GLTP: variants seen among roughly 807,000 people sequenced by gnomAD.
The protein encoded by GLTP is glycolipid transfer protein.
Under a neutral mutation model 24.0 loss-of-function variants are expected in GLTP, and 22 were observed. The observed-to-expected ratio is 0.92, with a 90% CI of 0.65 to 1.31. The LOEUF is 1.31. Ranked by LOEUF, GLTP falls within the 50% of genes most tolerant of loss-of-function variation. The probability of loss-of-function intolerance (pLI) is 0.00; values close to 1 mark genes in which losing one functional copy is unlikely to be tolerated. For missense variants in GLTP, 224 were observed against 276.6 expected (o/e 0.81, Z 1.35); for synonymous variants, 92 against 115.9 (o/e 0.79, Z 1.33).
At chr12:109,876,007 T>G (rs1868868695) in intron 1 of GLTP, among the ~76,000 whole-genome samples, 1 of 152,200 alleles carries the variant, frequency 6.6e-6, no homozygotes, top group Admixed American at 6.5e-5. Context: ...AATGTGAATG[T>G]CCAACAGTAG....
At position 109,855,257 on chromosome 12, in the gene GLTP, G is replaced by A. The variant is rs558062827; in HGVS notation, c.447+362C>T. Among the ~76,000 whole-genome samples, 3 of 152,308 alleles carry A rather than the reference G, an allele frequency of 2.0e-5. No individual in the cohort carries two copies. The highest frequency in any genetic ancestry group is 6.5e-5 in the Admixed American group (1 of 15,306). ...GAATGGGAGCTGAATTTGAGGGGTC[G>A]AATTGGAGGGGTAAATTTGAGGGGC... is the stretch of plus-strand genomic sequence containing the variant. On this transcript the variant is annotated intron_variant, in intron 4 of 4. Transcript: ENST00000318348. The surrounding 1 kb of genome is among the most constrained non-coding windows in gnomAD (Gnocchi z 4.1).
chr12:109,868,608 C>T (rs900934879), intron 1 of GLTP, among the ~76,000 whole-genome samples: 15 of 152,232 alleles, frequency 9.9e-5, no homozygotes, highest in African/African-American at 3.6e-4. Flanking sequence ...GGACAGAACA[C>T]ACCTAACCCA....
At position 109,857,919 on chromosome 12, in the gene GLTP, T is replaced by C; in HGVS notation, c.163-260A>G. ...TATCCCATTTTACAGGCAGAGACACTGAGGCTCACAGAGGAGCACGGACTT... is the reference window on the plus strand; with the variant it reads ...TATCCCATTTTACAGGCAGAGACACCGAGGCTCACAGAGGAGCACGGACTT... On this transcript the variant is annotated intron_variant, in intron 2 of 4. Transcript: ENST00000318348. This position sits in a 1 kb window ranked among gnomAD's most constrained non-coding sequence, Gnocchi z 4.3. 3.9e-6 allele frequency: 2 copies of C among 508,964 alleles called. No homozygotes were observed. Among genetic ancestry groups the C allele is most frequent in the Non-Finnish European group, 3.6e-6 (1 of 278,728 alleles). The allele number at this position is 508,964 out of a possible 1,614,324, so 31.5% of individuals were successfully genotyped here. A position where few individuals can be genotyped will look rare whatever the true frequency, so the allele number is the denominator to read the frequency against.
rs1443227370 is a variant in GLTP at position 109,852,531 on chromosome 12, G to C, written c.*24C>G. 3 of 1,509,870 alleles carry C rather than the reference G, an allele frequency of 2.0e-6. No homozygotes were observed. Among genetic ancestry groups the C allele is most frequent in the Non-Finnish European group, 2.7e-6 (3 of 1,091,990 alleles). The allele number at this position is 1,509,870 out of a possible 1,614,324, so 93.5% of individuals were successfully genotyped here. A position where few individuals can be genotyped will look rare whatever the true frequency, so the allele number is the denominator to read the frequency against. On this transcript the variant is annotated 3_prime_UTR_variant, in exon 5 of 5. Transcript: ENST00000318348. ...GTTTCTCCATGTGGCCACGAGTCGG[G>C]GACGTGTCCAGCAGTGGGCATGCCT...
chr12:109,856,140 A>G (rs1413723638), intron 3 of GLTP, among the ~76,000 whole-genome samples: 1 of 152,052 alleles, frequency 6.6e-6, no homozygotes, highest in Non-Finnish European at 1.5e-5. Flanking sequence ...CTGGCCCTCG[A>G]AGGGTTCGCG....
intron 1 of GLTP, among the ~76,000 whole-genome samples, chr12:109,875,885 TC>T (rs1163533497): frequency 1.3e-5 from 2 of 152,220 alleles, no homozygotes; most frequent in East Asian, 3.8e-4. Flanking sequence ...AAAGCACTCT[TC>T]AACTCAGCAG....
intron 2 of GLTP, chr12:109,858,135 C>T (rs1023177738): frequency 6.6e-5 from 30 of 457,886 alleles, no homozygotes; most frequent in South Asian, 9.3e-5. Flanking sequence ...AGCTTTGCCA[C>T]GTACTTGCTT....
intron 1 of GLTP, among the ~76,000 whole-genome samples, chr12:109,877,692 C>T (rs2136051003): frequency 6.6e-6 from 1 of 152,262 alleles, no homozygotes; most frequent in South Asian, 2.1e-4. Flanking sequence ...GTGTCCCTCA[C>T]CCCAGAGCAG....
chr12:109,879,848 G>T (rs1195144070), intron 1 of GLTP, among the ~76,000 whole-genome samples: 1 of 152,120 alleles, frequency 6.6e-6, no homozygotes, highest in Non-Finnish European at 1.5e-5. Context: ...GGGATTCATT[G>T]TAAGGGGAGC....
intron 1 of GLTP, among the ~76,000 whole-genome samples, chr12:109,876,243 C>T (rs1237929507): frequency 2.0e-5 from 3 of 151,872 alleles, no homozygotes; most frequent in African/African-American, 7.3e-5. Context: ...CTTGGGAGGC[C>T]GAGGCATGAG....
chr12:109,853,127 A>C (rs185124587), intron 4 of GLTP, among the ~76,000 whole-genome samples: 290 of 152,248 alleles, frequency 1.9e-3, no homozygotes, highest in South Asian at 2.9e-3. Context: ...TACAGTAGGC[A>C]CTCAGCACAA....
At chr12:109,872,566 A>G (rs1000967818) in intron 1 of GLTP, among the ~76,000 whole-genome samples, 2 of 152,156 alleles carry the variant, frequency 1.3e-5, no homozygotes, top group Non-Finnish European at 2.9e-5. Context: ...CCCTCCTTCC[A>G]GATTGTTCTC....
chr12:109,855,858 T>C lies in GLTP; in HGVS notation c.297-89A>G. The stretch of plus-strand genomic sequence containing the variant: ...TGGACTCTGAATTTGCCACCTACTG[T>C]GAGCCAGGAACATGGGCGCCCCAGA... On this transcript the variant is annotated intron_variant, in intron 3 of 4. Coordinates refer to ENST00000318348, the MANE Select transcript of GLTP (RefSeq NM_016433.4). This position sits in a 1 kb window ranked among gnomAD's most constrained non-coding sequence, Gnocchi z 4.1. 2 of 1,161,402 alleles carry C rather than the reference T, an allele frequency of 1.7e-6. No homozygotes were observed. Among genetic ancestry groups the C allele is most frequent in the Non-Finnish European group, 2.4e-6 (2 of 845,724 alleles). 71.9% of individuals were successfully genotyped at this position (1,161,402 alleles called of 1,614,324 possible).
rs764821533 is a variant in GLTP at position 109,855,727 on chromosome 12, G to A, written c.339C>T (p.Asp113=). 4.7e-5 allele frequency: 76 copies of A among 1,608,194 alleles called. No homozygotes were observed. In the East Asian group the frequency reaches 1.3e-3, roughly 27 times the overall value. ...FIQVFLQSIC[D]GERDENHPNL... is the part of the protein sequence containing the mutation. Reference sequence around the variant, plus strand: ...TGGGGTGGTTCTCGTCCCGCTCCCCGTCGCAGATGCTCTGGAGGAAGACCT... The same window carrying A: ...TGGGGTGGTTCTCGTCCCGCTCCCCATCGCAGATGCTCTGGAGGAAGACCT... The change falls in exon 4 of 5, where the codon GAC becomes GAT. Residue 113 remains aspartate, a synonymous_variant. Coordinates refer to ENST00000318348, the MANE Select transcript of GLTP (RefSeq NM_016433.4). The surrounding 1 kb of genome is among the most constrained non-coding windows in gnomAD (Gnocchi z 4.1).
chr12:109,874,951 C>T (rs913298727), intron 1 of GLTP, among the ~76,000 whole-genome samples: 1 of 151,962 alleles, frequency 6.6e-6, no homozygotes, highest in Non-Finnish European at 1.5e-5. Context: ...TTAGTAGAGA[C>T]GGAGTTTCTC....
At chr12:109,869,983 A>C (rs1868668650) in intron 1 of GLTP, among the ~76,000 whole-genome samples, 1 of 151,950 alleles carries the variant, frequency 6.6e-6, no homozygotes, top group South Asian at 2.1e-4. Context: ...ACCTCAAGAG[A>C]TCTGCCTGCC....
intron 1 of GLTP, among the ~76,000 whole-genome samples, chr12:109,870,874 A>C (rs1055207823): frequency 1.3e-5 from 2 of 152,138 alleles, no homozygotes; most frequent in East Asian, 1.9e-4. Context: ...CAGGGTGGAA[A>C]GCAGAGGCTT....
chr12:109,873,825 C>T (rs1012634883), intron 1 of GLTP, among the ~76,000 whole-genome samples: 1 of 151,988 alleles, frequency 6.6e-6, no homozygotes, highest in African/African-American at 2.4e-5. Flanking sequence ...AAAACACACA[C>T]ACACACACAC....
chr12:109,868,335 A>C (rs919224332), intron 1 of GLTP, among the ~76,000 whole-genome samples: 1 of 152,146 alleles, frequency 6.6e-6, no homozygotes, highest in Non-Finnish European at 1.5e-5. Context: ...TCTGGCCTCA[A>C]GAGAGTTGGA....
Sources: gnomAD v4.1 joint callset for allele counts (sites outside exome capture counted in the v4.1 genomes callset) on GRCh38, gnomAD v4.1.1 for gene constraint, Gnocchi (gnomAD v3.1) non-coding constraint, MANE v1.5 for transcripts, NCBI Gene and HGNC (gene_info 2026-07-23, HGNC 2026-07-21) for gene names.